The following TLN2 variants were observed in gnomAD, a reference collection of about 807,000 sequenced individuals.
TLN2 encodes the protein talin 2.
Under a neutral mutation model 294.7 loss-of-function variants are expected in TLN2, and 118 were observed. That is an observed-to-expected ratio of 0.40 (90% CI 0.34 to 0.47). TLN2 has a LOEUF of 0.47. Among genes scored for constraint, TLN2 ranks in the 20% least tolerant of loss-of-function variants. The pLI is 0.84. For synonymous variants in TLN2, 1,431 were observed against 1,304.5 expected (o/e 1.10, Z -2.09); for missense variants, 3,083 against 3,282.2 (o/e 0.94, Z 1.48).
At chr15:62,427,920 G>A (rs1052930012) in intron 1 of TLN2, among the ~76,000 whole-genome samples, 8 of 152,188 alleles carry the variant, frequency 5.3e-5, no homozygotes, top group Non-Finnish European at 7.3e-5. Context: ...ATACGTGGAA[G>A]TCATCAATAC....
At chr15:62,804,332 G>A (rs566484026) in intron 50 of TLN2, among the ~76,000 whole-genome samples, 8 of 152,296 alleles carry the variant, frequency 5.3e-5, no homozygotes, top group East Asian at 3.9e-4. Flanking sequence ...GCATGGCAGC[G>A]CACGCCTGTA....
At chr15:62,570,119 A>G (rs980206408) in intron 1 of TLN2, among the ~76,000 whole-genome samples, 4 of 152,134 alleles carry the variant, frequency 2.6e-5, no homozygotes, top group African/African-American at 7.2e-5. Flanking sequence ...AATACTAACA[A>G]GATTGCCCTG....
intron 9 of TLN2, among the ~76,000 whole-genome samples, chr15:62,663,066 C>CCTGCCTT (rs937594502): frequency 6.6e-6 from 1 of 151,922 alleles, no homozygotes; most frequent in Non-Finnish European, 1.5e-5. Flanking sequence ...CCTCCTGCCT[C>CCTGCCTT]GGCCTCCCAA....
At chr15:62,746,004 C>T (rs996472515) in intron 32 of TLN2, among the ~76,000 whole-genome samples, 1 of 151,954 alleles carries the variant, frequency 6.6e-6, no homozygotes, top group African/African-American at 2.4e-5. Flanking sequence ...TGGTTTTTGT[C>T]CCAAGTTTTT....
intron 1 of TLN2, among the ~76,000 whole-genome samples, chr15:62,493,675 A>G (rs1027591301): frequency 6.6e-6 from 1 of 151,242 alleles, no homozygotes; most frequent in African/African-American, 2.4e-5. Context: ...CAGGGGCACA[A>G]TCTTGGCTCA....
chr15:62,626,642 A>G (rs1043329198), intron 3 of TLN2, among the ~76,000 whole-genome samples: 2 of 152,214 alleles, frequency 1.3e-5, no homozygotes, highest in Non-Finnish European at 2.9e-5. Flanking sequence ...ATGGGCTGCT[A>G]GAAGGCCACT....
intron 46 of TLN2, among the ~76,000 whole-genome samples, chr15:62,794,293 T>C (rs2065299321): frequency 6.6e-6 from 1 of 152,200 alleles, no homozygotes; most frequent in Admixed American, 6.5e-5. Context: ...TTTCTTGCTG[T>C]GCGTCCCTGT....
chr15:62,708,436 G>A (rs1039121578), intron 20 of TLN2, 66 bp from the exon 21 acceptor site: 29 of 1,542,456 alleles, frequency 1.9e-5, no homozygotes, highest in Admixed American at 1.0e-4. Flanking sequence ...ATGGGACTGC[G>A]GGGGCACATG....
chr15:62,494,420 T>C (rs1013568095), intron 1 of TLN2, among the ~76,000 whole-genome samples: 4 of 152,096 alleles, frequency 2.6e-5, no homozygotes, highest in South Asian at 2.1e-4. Flanking sequence ...CAGGCAGATA[T>C]CTGCTTGGGA....
rs564512996 is a variant in TLN2 at position 62,746,397 on chromosome 15, C to A, written c.4026-1954C>A. 7.9e-5 allele frequency among the ~76,000 whole-genome samples: 12 copies of A among 152,316 alleles called. No homozygotes were observed. The East Asian group carries it at 1.5e-3, about 20-fold the overall frequency. On this transcript the variant is annotated intron_variant, in intron 32 of 58. Transcript: ENST00000636159. ...GGGATTGTCCGGCTGTCTCCTTGTT[C>A]TTGTTTTGCTTTGCACCATAGAGAG...
At position 62,748,448 on chromosome 15, in the gene TLN2, G is replaced by C; in HGVS notation, c.4119+4G>C. 6.2e-7 allele frequency: 1 copy of C among 1,612,502 alleles called. No individual in the cohort carries two copies. The highest frequency in any genetic ancestry group is 8.5e-7 in the Non-Finnish European group (1 of 1,179,086). On this transcript the variant is annotated splice_donor_region_variant and intron_variant, in intron 33 of 58. Coordinates refer to ENST00000636159, the MANE Select transcript of TLN2 (RefSeq NM_015059.3). ...TAATGCCCTGCGGGAGCTCGAGGTAGGTCCCTGGGAAGGCTGCTGAGGACT... is the reference window on the plus strand; with the variant it reads ...TAATGCCCTGCGGGAGCTCGAGGTACGTCCCTGGGAAGGCTGCTGAGGACT...
rs138196022 is a variant in TLN2, at chr15:62,474,535, G to A, written c.-238+83850G>A. Among the ~76,000 whole-genome samples the A allele has an allele frequency of 3.8e-3, 573 of 152,188 alleles. 6 individuals are homozygous for A. The highest frequency in any genetic ancestry group is 0.013 in the African/African-American group (548 of 41,526). On this transcript the variant is annotated intron_variant, in intron 1 of 58. Transcript: ENST00000636159. ...TGCATGCCTGTAGTCCTAGCTACTC[G>A]GGAGGCTGAGATGGGAGGATCACTT...
chr15:62,396,092 C>T (rs1021689596), intron 1 of TLN2, among the ~76,000 whole-genome samples: 1 of 152,126 alleles, frequency 6.6e-6, no homozygotes, highest in Non-Finnish European at 1.5e-5. Flanking sequence ...CCTTGGCCTC[C>T]CAAAGTGCTA....
At chr15:62,581,014 G>T (rs1160486834) in intron 1 of TLN2, among the ~76,000 whole-genome samples, 3 of 151,734 alleles carry the variant, frequency 2.0e-5, no homozygotes, top group Non-Finnish European at 4.4e-5. Flanking sequence ...TTCCCAGGTA[G>T]CTGGGATTAC....
chr15:62,836,217 T>C, intron 57 of TLN2, 144 bp downstream of exon 57: 1 of 1,124,438 alleles, frequency 8.9e-7, no homozygotes, highest in Non-Finnish European at 1.3e-6. Context: ...ATCTACTGCG[T>C]GCGTCCATGC....
Position 62,840,757 on chromosome 15 carries a change from T to G in TLN2, c.*147T>G. 24 of 1,144,964 alleles carry G rather than the reference T, an allele frequency of 2.1e-5. No homozygotes were observed. The highest frequency in any genetic ancestry group is 2.6e-5 in the Non-Finnish European group (22 of 831,098). The allele number at this position is 1,144,964 out of a possible 1,614,324, so 70.9% of individuals were successfully genotyped here. A position where few individuals can be genotyped will look rare whatever the true frequency, so the allele number is the denominator to read the frequency against. ...CCCTGCGTGCTTGTTCTCACATCTC[T>G]GTCCCGTCGGCACTGGCTGCATGAT... On this transcript the variant is annotated 3_prime_UTR_variant, in exon 59 of 59. Transcript: ENST00000636159.
chr15:62,469,631 G>A (rs1188837968), intron 1 of TLN2, among the ~76,000 whole-genome samples: 1 of 152,154 alleles, frequency 6.6e-6, no homozygotes, highest in African/African-American at 2.4e-5. Flanking sequence ...CTCTTGTTCA[G>A]GCTGCTTGTG....
Position 62,725,644 on chromosome 15 carries a change from C to T in TLN2, c.3255+540C>T, listed in dbSNP as rs116044162. 2.4e-3 allele frequency among the ~76,000 whole-genome samples: 360 copies of T among 152,198 alleles called. 3 individuals are homozygous for T. The highest frequency in any genetic ancestry group is 8.0e-3 in the African/African-American group (331 of 41,534). On this transcript the variant is annotated intron_variant, in intron 27 of 58. Transcript: ENST00000636159. ...TGACTGAACATTGCTAGTAAAATAC[C>T]ACCATGTATTAAGCACCTGTGAAGC... is the stretch of plus-strand genomic sequence containing the variant.
At chr15:62,541,816 A>T (rs144702379) in intron 1 of TLN2, among the ~76,000 whole-genome samples, 10 of 152,052 alleles carry the variant, frequency 6.6e-5, no homozygotes, top group Non-Finnish European at 8.8e-5. Context: ...TATTACATGG[A>T]TATTTATTGT....
Sources: allele counts gnomAD v4.1 joint callset (sites outside exome capture counted in the v4.1 genomes callset), GRCh38; gene constraint gnomAD v4.1.1; transcripts MANE v1.5; gene names NCBI Gene and HGNC (gene_info 2026-07-23, HGNC 2026-07-21).